The following ITSN1 variants were observed in gnomAD, a reference collection of about 807,000 sequenced individuals.
The protein encoded by ITSN1 is intersectin 1.
Under a neutral mutation model 239.8 loss-of-function variants are expected in ITSN1, and 58 were observed. That is an observed-to-expected ratio of 0.24 (90% CI 0.20 to 0.30). ITSN1 has a LOEUF of 0.30. Ranked by LOEUF, ITSN1 falls within the 10% of genes least tolerant of loss-of-function variation. The pLI is 1.00. For synonymous variants in ITSN1, 780 were observed against 770.8 expected (o/e 1.01, Z -0.20); for missense variants, 1,558 against 2,103.3 (o/e 0.74, Z 5.07).
rs1481032257 is a variant in ITSN1 at position 33,778,623 on chromosome 21, G to A, written c.1597-2838G>A. ...AGACGGAGTCTCGCTCTGTCGCCCA[G>A]GCTGGAGTGCAGTGGCGCAATCTCG... On this transcript the variant is annotated intron_variant, in intron 14 of 39. Transcript: ENST00000381318. 9.7e-5 allele frequency among the ~76,000 whole-genome samples: 10 copies of A among 103,054 alleles called. 1 individual carries two copies. The highest frequency in any genetic ancestry group is 4.5e-4 in the Admixed American group (3 of 6,736). 67.6% of individuals were successfully genotyped at this position (103,054 alleles called of 152,430 possible). A position where few individuals can be genotyped will look rare whatever the true frequency, so the allele number is the denominator to read the frequency against.
intron 8 of ITSN1, among the ~76,000 whole-genome samples, chr21:33,760,107 C>CAAAAA (rs548123368): frequency 3.2e-5 from 4 of 123,678 alleles, no homozygotes; most frequent in Non-Finnish European, 5.2e-5. Flanking sequence ...GACTCCATCT[C>CAAAAA]AAAAAAAAAA....
At position 33,772,043 on chromosome 21, in the gene ITSN1, T is replaced by C. The variant is rs748624255; in HGVS notation, c.1043-18T>C. On this transcript the variant is annotated intron_variant, in intron 11 of 39. Transcript: ENST00000381318. ...GAAAATCTTGAGTTTTCATAGTTGC[T>C]GTGTTCCTTGTCTGAAGTAACGTTT... The C allele has an allele frequency of 1.2e-5, 20 of 1,610,894 alleles. No individual in the cohort carries two copies. The highest frequency in any genetic ancestry group is 1.7e-5 in the Non-Finnish European group (20 of 1,177,964).
intron 33 of ITSN1, among the ~76,000 whole-genome samples, chr21:33,870,243 C>T (rs1013366319): frequency 3.3e-5 from 5 of 152,202 alleles, no homozygotes. Flanking sequence ...ATTTAATTAG[C>T]TCAGTACTTC....
chr21:33,754,284 C>T (rs1359660466), intron 7 of ITSN1: 1 of 152,078 alleles, frequency 6.6e-6, no homozygotes, highest in East Asian at 1.9e-4. Context: ...ATAAGTACTT[C>T]TCGAGTGTTT....
chr21:33,749,368 C>T (rs1356959705), intron 5 of ITSN1, among the ~76,000 whole-genome samples: 1 of 152,060 alleles, frequency 6.6e-6, no homozygotes, highest in African/African-American at 2.4e-5. Flanking sequence ...CAGGGCCAGG[C>T]ACAGTGGCTC....
intron 1 of ITSN1, among the ~76,000 whole-genome samples, chr21:33,649,060 A>G (rs1185919968): frequency 6.6e-6 from 1 of 152,244 alleles, no homozygotes; most frequent in African/African-American, 2.4e-5. Context: ...TTGAAAAGGC[A>G]GTTCACTTGT....
At chr21:33,649,101 G>A (rs1358688508) in intron 1 of ITSN1, among the ~76,000 whole-genome samples, 3 of 152,214 alleles carry the variant, frequency 2.0e-5, no homozygotes, top group Admixed American at 6.5e-5. Flanking sequence ...ACGCAAGACT[G>A]TACAGAAGTG....
chr21:33,762,214 T>A (rs1280701530), intron 9 of ITSN1, among the ~76,000 whole-genome samples: 1 of 152,136 alleles, frequency 6.6e-6, no homozygotes, highest in Non-Finnish European at 1.5e-5. Flanking sequence ...ATAATACAAC[T>A]TAACAATTCT....
In ITSN1 at chr21:33,890,166, A is replaced by G. The variant is rs1423658474; in HGVS notation, c.*1866A>G. ...AGAAACTTTTAAATTAAATCTATAA[A>G]TAGACATGCAACTCATGCTTTCCTA... On this transcript the variant is annotated 3_prime_UTR_variant, in exon 40 of 40. Coordinates refer to ENST00000381318, the MANE Select transcript of ITSN1 (RefSeq NM_003024.3). 6.6e-6 allele frequency: 1 copy of G among 152,240 alleles called. No individual in the cohort carries two copies. Among genetic ancestry groups the G allele is most frequent in the African/African-American group, 2.4e-5 (1 of 41,470 alleles). The allele number at this position is 152,240 out of a possible 1,614,324, so 9.4% of individuals were successfully genotyped here.
At chr21:33,756,287 CAAAAAAAAAAA>C (rs923721086) in intron 8 of ITSN1, among the ~76,000 whole-genome samples, 9 of 56,816 alleles carry the variant, frequency 1.6e-4, no homozygotes, top group Non-Finnish European at 1.9e-4. Context: ...GACTCCGTCT[CAAAAAAAAAAA>C]AAAAAAAAAG....
chr21:33,706,318 A>G (rs772789235), intron 1 of ITSN1, among the ~76,000 whole-genome samples: 63 of 152,214 alleles, frequency 4.1e-4, no homozygotes, highest in Non-Finnish European at 6.2e-4. Context: ...CAAGTTTTTA[A>G]TTGATGGCAT....
intron 14 of ITSN1, among the ~76,000 whole-genome samples, chr21:33,775,439 T>C (rs537068304): frequency 2.6e-5 from 4 of 152,258 alleles, no homozygotes; most frequent in Non-Finnish European, 5.9e-5. Context: ...TATTAGAAGA[T>C]GAAAAGTGCT....
intron 4 of ITSN1, 118 bp from the exon 5 acceptor site, chr21:33,734,923 CTGT>C: frequency 4.2e-6 from 3 of 715,542 alleles, no homozygotes; most frequent in Non-Finnish European, 6.6e-6. Flanking sequence ...GTTATGTTTT[CTGT>C]TGTTGTCTCT....
At chr21:33,718,093 G>A (rs1254479236) in intron 1 of ITSN1, among the ~76,000 whole-genome samples, 6 of 152,198 alleles carry the variant, frequency 3.9e-5, no homozygotes, top group Admixed American at 2.6e-4. Context: ...TGCTAATCAC[G>A]TACCCTTTCT....
chr21:33,877,484 G>A (rs1397558460), intron 34 of ITSN1, among the ~76,000 whole-genome samples: 5 of 152,206 alleles, frequency 3.3e-5, no homozygotes, highest in Non-Finnish European at 7.3e-5. Context: ...AAACTTGCGT[G>A]AGAGCTACCT....
intron 16 of ITSN1, among the ~76,000 whole-genome samples, chr21:33,791,801 G>T (rs1041684547): frequency 2.6e-5 from 4 of 151,880 alleles, no homozygotes; most frequent in Admixed American, 2.6e-4. Context: ...AGTACCTGTT[G>T]TTGAATATTT....
chr21:33,847,307 C>A (rs977985667), intron 29 of ITSN1, among the ~76,000 whole-genome samples: 6 of 152,212 alleles, frequency 3.9e-5, no homozygotes, highest in Admixed American at 6.5e-5. Flanking sequence ...AGACTGGCCA[C>A]TGCCATCCCC....
At chr21:33,806,580 A>G (rs1569219101) in intron 20 of ITSN1, among the ~76,000 whole-genome samples, 1 of 152,384 alleles carries the variant, frequency 6.6e-6, no homozygotes, top group East Asian at 1.9e-4. Context: ...TGACTGTTGC[A>G]TCAGCGAGCT....
chr21:33,654,275 T>C (rs1366403590), intron 1 of ITSN1, among the ~76,000 whole-genome samples: 2 of 150,806 alleles, frequency 1.3e-5, no homozygotes, highest in East Asian at 2.0e-4. Flanking sequence ...AGGCTGGTCA[T>C]GAACTTCTGG....
Sources: gnomAD v4.1 joint callset for allele counts (sites outside exome capture counted in the v4.1 genomes callset) on GRCh38, gnomAD v4.1.1 for gene constraint, MANE v1.5 for transcripts, NCBI Gene and HGNC (gene_info 2026-07-23, HGNC 2026-07-21) for gene names.